Variants in AK5 observed in about 807,000 individuals in gnomAD.
AK5 encodes adenylate kinase 5.
In AK5, 27 loss-of-function variants were observed where a neutral mutation model predicts 69.5. The observed-to-expected ratio is 0.39, with a 90% CI of 0.29 to 0.54. The LOEUF is 0.54. AK5 is among the 20% of genes least tolerant of loss of function. The pLI is 0.71. For missense variants in AK5, 531 were observed against 700.4 expected (o/e 0.76, Z 2.73); for synonymous variants, 260 against 244.4 (o/e 1.06, Z -0.60).
intron 10 of AK5, among the ~76,000 whole-genome samples, chr1:77,496,346 G>C (rs2100746172): frequency 6.6e-6 from 1 of 152,274 alleles, no homozygotes; most frequent in Admixed American, 6.5e-5. Flanking sequence ...TCCCAGGAGA[G>C]ATAGTATGAA....
At chr1:77,516,207 C>T (rs1438814150) in intron 10 of AK5, among the ~76,000 whole-genome samples, 1 of 152,124 alleles carries the variant, frequency 6.6e-6, no homozygotes, top group Non-Finnish European at 1.5e-5. Context: ...GTGAAATAAG[C>T]CAGGCACAGA....
chr1:77,462,164 G>T (rs1052107983), intron 8 of AK5, among the ~76,000 whole-genome samples: 1 of 152,178 alleles, frequency 6.6e-6, no homozygotes, highest in Non-Finnish European at 1.5e-5. Flanking sequence ...AGCCAATGGT[G>T]TATATTATAC....
At chr1:77,475,419 T>A (rs868618975) in intron 8 of AK5, among the ~76,000 whole-genome samples, 82 of 2,056 alleles carry the variant, frequency 0.04, 8 homozygotes, top group South Asian at 0.37. Flanking sequence ...ATATATATAC[T>A]ATATATTATA....
intron 10 of AK5, among the ~76,000 whole-genome samples, chr1:77,510,162 C>G (rs1657260170): frequency 6.6e-6 from 1 of 152,058 alleles, no homozygotes; most frequent in African/African-American, 2.4e-5. Context: ...TGGACACTGG[C>G]TCTTGTTAAC....
intron 8 of AK5, among the ~76,000 whole-genome samples, chr1:77,441,859 G>A (rs1652349345): frequency 6.6e-6 from 1 of 152,086 alleles, no homozygotes; most frequent in South Asian, 2.1e-4. Flanking sequence ...TTGGGTATTG[G>A]GGTGCAGATT....
chr1:77,480,283 T>C (rs1214890472), intron 8 of AK5, among the ~76,000 whole-genome samples: 1 of 152,208 alleles, frequency 6.6e-6, no homozygotes, highest in Admixed American at 6.5e-5. Context: ...GTGCACCGCA[T>C]TCCTGGTGAG....
intron 5 of AK5, among the ~76,000 whole-genome samples, chr1:77,306,572 C>T (rs924243851): frequency 9.6e-5 from 13 of 136,054 alleles, no homozygotes; most frequent in African/African-American, 2.7e-4. Flanking sequence ...TTTTTTGATA[C>T]GTCTTTCTCT....
chr1:77,431,011 C>G (rs1478379301), intron 8 of AK5, among the ~76,000 whole-genome samples: 1 of 152,074 alleles, frequency 6.6e-6, no homozygotes, highest in Non-Finnish European at 1.5e-5. Context: ...GGTGGAGAGA[C>G]TGGCATGAGA....
In AK5 at chr1:77,315,717, G is replaced by A. The variant is rs965299679; in HGVS notation, c.699+17770G>A. On this transcript the variant is annotated intron_variant, in intron 5 of 13. Coordinates refer to ENST00000354567, the MANE Select transcript of AK5 (RefSeq NM_174858.3). The stretch of plus-strand genomic sequence containing the variant: ...AGGCGACAGGTGACTGATACAGTGG[G>A]CGCCACAATGTCAGTCTTTATGCCA... 2.2e-4 allele frequency among the ~76,000 whole-genome samples: 33 copies of A among 152,114 alleles called. 2 individuals are homozygous for A. The highest frequency in any genetic ancestry group is 8.0e-4 in the African/African-American group (33 of 41,372).
chr1:77,545,202 C>T (rs756039083), intron 13 of AK5, among the ~76,000 whole-genome samples: 1 of 152,114 alleles, frequency 6.6e-6, no homozygotes, highest in Non-Finnish European at 1.5e-5. Flanking sequence ...TATCCTTCCA[C>T]CTCTCCTCAC....
chr1:77,550,842 TG>T (rs1659787501), intron 13 of AK5, among the ~76,000 whole-genome samples: 2 of 152,228 alleles, frequency 1.3e-5, no homozygotes, highest in Non-Finnish European at 2.9e-5. Flanking sequence ...TAAAAGGTTT[TG>T]TTCCCACCCA....
intron 12 of AK5, among the ~76,000 whole-genome samples, chr1:77,531,244 A>T (rs1658562073): frequency 6.6e-6 from 1 of 152,176 alleles, no homozygotes; most frequent in Non-Finnish European, 1.5e-5. Context: ...GTGTGGACCC[A>T]AAGAGTGAGC....
chr1:77,318,681 C>G lies in AK5; in HGVS notation c.699+20734C>G, dbSNP rs78895092. On this transcript the variant is annotated intron_variant, in intron 5 of 13. Coordinates refer to ENST00000354567, the MANE Select transcript of AK5 (RefSeq NM_174858.3). ...CAGTGTGCCTTCAATACACTTTGTT[C>G]TTGCTCCCTCACTGCTTGTCTCTCT... is the stretch of plus-strand genomic sequence containing the variant. 7.7e-3 allele frequency among the ~76,000 whole-genome samples: 1,167 copies of G among 151,888 alleles called. 16 individuals are homozygous for G. Among genetic ancestry groups the G allele is most frequent in the African/African-American group, 0.027 (1,111 of 41,432 alleles).
chr1:77,441,529 T>C (rs1652324729), intron 8 of AK5, among the ~76,000 whole-genome samples: 1 of 152,166 alleles, frequency 6.6e-6, no homozygotes. Flanking sequence ...TAGGTGCCAT[T>C]TTATAGTCTC....
At chr1:77,423,166 G>A (rs964752440) in intron 8 of AK5, among the ~76,000 whole-genome samples, 22 of 142,912 alleles carry the variant, frequency 1.5e-4, no homozygotes, top group African/African-American at 5.2e-4. Flanking sequence ...GCTTACAGTG[G>A]GCCAAGATAG....
chr1:77,341,517 C>G (rs1661653735), intron 6 of AK5, among the ~76,000 whole-genome samples: 1 of 152,270 alleles, frequency 6.6e-6, no homozygotes, highest in East Asian at 1.9e-4. Flanking sequence ...CAATAAAAAG[C>G]ACATAAAGAC....
chr1:77,465,312 A>G (rs1428103311), intron 8 of AK5, among the ~76,000 whole-genome samples: 1 of 152,226 alleles, frequency 6.6e-6, no homozygotes, highest in Non-Finnish European at 1.5e-5. Flanking sequence ...GCTGTAATTC[A>G]TTGAAGGCAA....
intron 5 of AK5, among the ~76,000 whole-genome samples, chr1:77,316,388 T>C (rs1381752850): frequency 6.6e-6 from 1 of 152,154 alleles, no homozygotes; most frequent in East Asian, 1.9e-4. Flanking sequence ...GCCTCAGCAT[T>C]GCCATTTAAG....
intron 8 of AK5, among the ~76,000 whole-genome samples, chr1:77,452,757 A>G (rs1400602130): frequency 1.3e-5 from 2 of 152,228 alleles, no homozygotes; most frequent in Admixed American, 1.3e-4. Flanking sequence ...TAGTGCTTCC[A>G]TGAGCTTCTA....
Sources: gnomAD v4.1 joint callset for allele counts (sites outside exome capture counted in the v4.1 genomes callset) on GRCh38, gnomAD v4.1.1 for gene constraint, MANE v1.5 for transcripts, NCBI Gene and HGNC (gene_info 2026-07-23, HGNC 2026-07-21) for gene names.